MCM5: variants seen among roughly 807,000 people sequenced by gnomAD.
MCM5 encodes DNA replication licensing factor MCM5.
A neutral mutation model predicts 79.9 loss-of-function variants in MCM5; 46 were observed. That is an observed-to-expected ratio of 0.58 (90% CI 0.45 to 0.74). MCM5 has a LOEUF of 0.74. Among genes scored for constraint, MCM5 ranks in the 30% least tolerant of loss-of-function variants. The probability of loss-of-function intolerance (pLI) is 0.00; values close to 1 mark genes in which losing one functional copy is unlikely to be tolerated. For missense variants in MCM5, 883 were observed against 1,017.0 expected (o/e 0.87, Z 1.79); for synonymous variants, 404 against 390.5 (o/e 1.03, Z -0.41).
chr22:35,448,129 G>C, the MCM5 span, among the ~76,000 whole-genome samples: 5 of 152,198 alleles, frequency 3.3e-5, no homozygotes, highest in Non-Finnish European at 4.4e-5. Context: ...CAAGGGCTTG[G>C]GGGAGGAGTC....
At chr22:35,401,813 A>G (rs1932062632) in intron 2 of MCM5, 1 of 423,148 alleles carries the variant, frequency 2.4e-6, no homozygotes, top group African/African-American at 2.0e-5. Flanking sequence ...CCACAGAGGA[A>G]GGTGAAAGGA....
the MCM5 span, among the ~76,000 whole-genome samples, chr22:35,452,905 G>A: frequency 2.6e-5 from 4 of 152,248 alleles, no homozygotes; most frequent in East Asian, 7.7e-4. Flanking sequence ...CTTCCTTCAT[G>A]TCACTCTGGA....
chr22:35,431,498 A>G, the MCM5 span, among the ~76,000 whole-genome samples: 1 of 152,172 alleles, frequency 6.6e-6, no homozygotes, highest in African/African-American at 2.4e-5. Flanking sequence ...ATGGGTGAAA[A>G]GACAAAAGTA....
At chr22:35,425,585 CT>C (rs897844266), downstream of MCM5, among the ~76,000 whole-genome samples, 1 of 152,030 alleles carries the variant, frequency 6.6e-6, no homozygotes, top group Non-Finnish European at 1.5e-5. Flanking sequence ...AAGCTCATTT[CT>C]TTTCTGATAA....
intron 9 of MCM5, among the ~76,000 whole-genome samples, chr22:35,414,793 C>G (rs187658323): frequency 6.6e-6 from 1 of 152,068 alleles, no homozygotes; most frequent in Admixed American, 6.6e-5. Flanking sequence ...GTGTCTTGGC[C>G]CAGGTCTCAC....
the MCM5 span, among the ~76,000 whole-genome samples, chr22:35,431,434 T>A: frequency 0.39 from 59,528 of 152,084 alleles, 13,954 homozygotes; most frequent in Middle Eastern, 0.52. Context: ...GGCTAGACTC[T>A]TAGAAATATT....
intron 15 of MCM5, 40 bp downstream of exon 15, chr22:35,421,500 T>A (rs769826178): frequency 6.2e-7 from 1 of 1,613,210 alleles, no homozygotes; most frequent in South Asian, 1.1e-5. Flanking sequence ...TTGATCTGGG[T>A]TCCCTGGCTC....
the MCM5 span, among the ~76,000 whole-genome samples, chr22:35,436,164 CAAAAAAAAAAA>C: frequency 1.6e-5 from 1 of 61,074 alleles, no homozygotes; most frequent in African/African-American, 4.5e-5. Context: ...AACTCAGTCT[CAAAAAAAAAAA>C]AAAAAAAAGA....
intron 5 of MCM5, among the ~76,000 whole-genome samples, chr22:35,407,918 T>C (rs1395373634): frequency 6.6e-6 from 1 of 152,230 alleles, no homozygotes; most frequent in African/African-American, 2.4e-5. Context: ...AGACACATAG[T>C]AGGTTTTGCT....
chr22:35,436,897 AGTC>A, the MCM5 span, among the ~76,000 whole-genome samples: 1 of 47,802 alleles, frequency 2.1e-5, no homozygotes. Context: ...CCAGGGGGAG[AGTC>A]AGTTCGCAGA....
At chr22:35,427,917 G>A (rs1431459250), downstream of MCM5, among the ~76,000 whole-genome samples, 1 of 151,782 alleles carries the variant, frequency 6.6e-6, no homozygotes, top group Non-Finnish European at 1.5e-5. Flanking sequence ...GCTCATTCCT[G>A]TAATCCCAGC....
chr22:35,444,542 T>C, the MCM5 span, among the ~76,000 whole-genome samples: 1 of 152,218 alleles, frequency 6.6e-6, no homozygotes, highest in South Asian at 2.1e-4. Context: ...CCCTGTGGCC[T>C]GTGACTCGTG....
At chr22:35,410,720 C>T (rs368316927) in intron 6 of MCM5, 24 bp from the exon 7 acceptor site, 314 of 1,611,966 alleles carry the variant, frequency 1.9e-4, no homozygotes, top group Non-Finnish European at 2.5e-4. Context: ...AGCTTTTCTC[C>T]TTTCTCCTCT....
chr22:35,429,010 G>A (rs561512292), downstream of MCM5, among the ~76,000 whole-genome samples: 3 of 117,716 alleles, frequency 2.5e-5, no homozygotes, highest in African/African-American at 6.7e-5. Context: ...TTTTTGAGGC[G>A]GAATTTTGCT....
chr22:35,416,745 G>C lies in MCM5; in HGVS notation c.1521G>C (p.Met507Ile), dbSNP rs1932555161. 1.2e-6 allele frequency: 2 copies of C among 1,614,146 alleles called. No homozygotes were observed. Among genetic ancestry groups the C allele is most frequent in the East Asian group, 4.5e-5 (2 of 44,886 alleles). The change falls in exon 12 of 17, where the codon ATG becomes ATC. Residue 507 changes from methionine to isoleucine, a missense_variant. Met to Ile is a conservative substitution (Grantham distance 10). This residue lies in a region of MCM5 where 426 missense variants were observed against 482.3 expected (regional missense o/e 0.88). Coordinates refer to ENST00000216122, the MANE Select transcript of MCM5 (RefSeq NM_006739.4). ...ETKGEDNIDF[M>I]PTILSRFDMI... Reference sequence around the variant, plus strand: ...AGGGGGAGGACAACATTGACTTCATGCCCACCATCTTGTCGCGCTTCGACA... The same window carrying C: ...AGGGGGAGGACAACATTGACTTCATCCCCACCATCTTGTCGCGCTTCGACA...
At chr22:35,432,922 G>T in the MCM5 span, among the ~76,000 whole-genome samples, 8 of 152,108 alleles carry the variant, frequency 5.3e-5, no homozygotes, top group Non-Finnish European at 4.4e-5. Flanking sequence ...GGTTGTCTCT[G>T]TCCCATCATC....
the MCM5 span, among the ~76,000 whole-genome samples, chr22:35,451,415 AGCTGCGC>A: frequency 2.0e-5 from 3 of 152,224 alleles, no homozygotes; most frequent in African/African-American, 7.2e-5. Context: ...TGCCAACGCA[AGCTGCGC>A]GTTCATGGAG....
At chr22:35,449,772 A>G in the MCM5 span, among the ~76,000 whole-genome samples, 2 of 152,080 alleles carry the variant, frequency 1.3e-5, no homozygotes, top group South Asian at 4.1e-4. Context: ...TCATCCTAAG[A>G]TTTATATTTT....
the MCM5 span, among the ~76,000 whole-genome samples, chr22:35,439,995 A>G: frequency 1.3e-5 from 2 of 152,230 alleles, no homozygotes; most frequent in African/African-American, 4.8e-5. Context: ...AAAGGAAGAA[A>G]TAAAAAAAAT....
Sources: allele counts gnomAD v4.1 joint callset (sites outside exome capture counted in the v4.1 genomes callset), GRCh38; gene constraint gnomAD v4.1.1; regional missense constraint gnomAD v4.1.1; transcripts MANE v1.5; gene names NCBI Gene and HGNC (gene_info 2026-07-23, HGNC 2026-07-21).